The following PLEKHA7 variants were observed in gnomAD, a reference collection of about 807,000 sequenced individuals.
PLEKHA7 encodes the protein pleckstrin homology domain containing A7.
Under a neutral mutation model 170.0 loss-of-function variants are expected in PLEKHA7, and 104 were observed. The observed-to-expected ratio is 0.61, with a 90% confidence interval of 0.52 to 0.72. The LOEUF is 0.72. Ranked by LOEUF, PLEKHA7 falls within the 30% of genes least tolerant of loss-of-function variation. The pLI, the probability that PLEKHA7 is intolerant of heterozygous loss-of-function variation, is 0.00. For synonymous variants in PLEKHA7, 648 were observed against 660.8 expected (o/e 0.98, Z 0.30); for missense variants, 1,615 against 1,671.7 (o/e 0.97, Z 0.59).
At position 16,855,804 on chromosome 11, in the gene PLEKHA7, T is replaced by C. The variant is rs1232381578; in HGVS notation, c.416A>G (p.Lys139Arg). The C allele has an allele frequency of 3.7e-6, 6 of 1,603,056 alleles. No homozygotes were observed. The highest frequency in any genetic ancestry group is 5.1e-6 in the Non-Finnish European group (6 of 1,171,594). Residue 139 changes from lysine to arginine, a missense_variant and splice_region_variant, in exon 5 of 27, where the codon AAG becomes AGG. Physicochemically the swap from Lys to Arg is conservative, Grantham distance 26 (BLOSUM62 2). Transcript: ENST00000531066. ...ASTLEAKPGP[K>R]IIKSSSKVHS... ...AGGAACAAGTGGCCAGGAGCTCACC[T>C]TGGGTCCAGGCTTGGCCTCCAGGGT...
rs1483137703 is a variant in PLEKHA7 at position 16,826,567 on chromosome 11, T to A, written c.896A>T (p.Gln299Leu). ...LKRDMEKVER[Q>L]AVPQANHTES... Reference sequence around the variant, plus strand: ...TGTGTGGTTGGCCTGGGGGACAGCCTGCCGCTCCACCTTCTCCATATCCCT... The same window carrying A: ...TGTGTGGTTGGCCTGGGGGACAGCCAGCCGCTCCACCTTCTCCATATCCCT... The change falls in exon 10 of 27, where the codon CAG (glutamine) becomes CTG (leucine). Residue 299 changes from glutamine (Q) to leucine (L), a missense_variant. Coordinates refer to ENST00000531066, the MANE Select transcript of PLEKHA7 (RefSeq NM_001329630.2). The A allele has an allele frequency of 6.2e-7, 1 of 1,613,714 alleles. No homozygotes were observed. Among genetic ancestry groups the A allele is most frequent in the East Asian group, 2.2e-5 (1 of 44,890 alleles).
chr11:16,940,268 C>G (rs983665267), intron 3 of PLEKHA7, among the ~76,000 whole-genome samples: 7 of 144,430 alleles, frequency 4.8e-5, no homozygotes, highest in South Asian at 2.2e-4. Context: ...TATCTCAGAT[C>G]TTTTCTTCTG....
chr11:16,904,960 A>G (rs1857561380), intron 3 of PLEKHA7, among the ~76,000 whole-genome samples: 1 of 152,226 alleles, frequency 6.6e-6, no homozygotes, highest in African/African-American at 2.4e-5. Flanking sequence ...TTTAAAATAA[A>G]TAAAAGACAG....
At position 16,789,121 on chromosome 11, in the gene PLEKHA7, C is replaced by T. The variant is rs761127089; in HGVS notation, c.3332G>A (p.Arg1111Gln). Residue 1111 changes from arginine (R) to glutamine (Q), a missense_variant, in exon 23 of 27, where the codon CGG becomes CAG. Arg to Gln is a conservative substitution (Grantham distance 43). Transcript: ENST00000531066. This position sits in a 1 kb window ranked among gnomAD's most constrained non-coding sequence, Gnocchi z 4.6. ...TGAGCCAAGATCTCCAGGGAGCGGC[C>T]GGCTGAGGTAGCGAGATGAGGGCAG... is the stretch of plus-strand genomic sequence containing the variant. ...TGLPSSRYLS[R>Q]PLPGDLGSWK... The T allele has an allele frequency of 3.1e-5, 50 of 1,606,358 alleles. No homozygotes were observed. Among genetic ancestry groups the T allele is most frequent in the South Asian group, 8.8e-5 (8 of 91,062 alleles).
intron 3 of PLEKHA7, among the ~76,000 whole-genome samples, chr11:16,936,629 C>T (rs535541012): frequency 6.6e-6 from 1 of 152,266 alleles, no homozygotes; most frequent in South Asian, 2.1e-4. Flanking sequence ...TCTCCAGTGG[C>T]TTTTATGAAA....
intron 3 of PLEKHA7, among the ~76,000 whole-genome samples, chr11:16,982,041 T>A (rs188897198): frequency 6.6e-5 from 10 of 152,316 alleles, no homozygotes; most frequent in African/African-American, 2.4e-4. Context: ...ACACTCCATA[T>A]GCCAGCAGCG....
At chr11:16,807,297 A>T (rs1849054984) in intron 13 of PLEKHA7, 1 of 649,216 alleles carries the variant, frequency 1.5e-6, no homozygotes, top group African/African-American at 2.0e-5. Context: ...AAGCAGCCAG[A>T]ATTTGGGGAA....
intron 3 of PLEKHA7, among the ~76,000 whole-genome samples, chr11:16,915,559 G>A (rs1858590698): frequency 7.7e-6 from 1 of 130,082 alleles, no homozygotes; most frequent in African/African-American, 3.0e-5. Flanking sequence ...TCCCCTTCCT[G>A]TGTCCATGTG....
chr11:16,879,571 G>A (rs988450218), intron 3 of PLEKHA7, among the ~76,000 whole-genome samples: 23 of 152,148 alleles, frequency 1.5e-4, no homozygotes, highest in African/African-American at 5.3e-4. Flanking sequence ...AATGTGGGCA[G>A]CGACATGGAA....
At chr11:16,910,687 G>A (rs1252715883) in intron 3 of PLEKHA7, among the ~76,000 whole-genome samples, 1 of 152,082 alleles carries the variant, frequency 6.6e-6, no homozygotes, top group African/African-American at 2.4e-5. Flanking sequence ...GCATCCAGGG[G>A]GTAAAATCCA....
intron 3 of PLEKHA7, among the ~76,000 whole-genome samples, chr11:16,887,627 C>T (rs1202555137): frequency 6.6e-6 from 1 of 152,194 alleles, no homozygotes; most frequent in Non-Finnish European, 1.5e-5. Context: ...AGCTCCTAAC[C>T]GCGAGTGATC....
chr11:16,963,063 G>A (rs1431605414), intron 3 of PLEKHA7, among the ~76,000 whole-genome samples: 2 of 152,186 alleles, frequency 1.3e-5, no homozygotes, highest in Admixed American at 6.5e-5. Context: ...TGTAGATGAG[G>A]TGGCCTTCCA....
At chr11:16,917,541 A>G (rs1858779362) in intron 3 of PLEKHA7, among the ~76,000 whole-genome samples, 2 of 152,298 alleles carry the variant, frequency 1.3e-5, no homozygotes, top group East Asian at 1.9e-4. Context: ...GGCTGCCCAC[A>G]TTCCTTGGCT....
intron 3 of PLEKHA7, among the ~76,000 whole-genome samples, chr11:16,970,039 C>A (rs1862613909): frequency 6.6e-6 from 1 of 152,214 alleles, no homozygotes. Flanking sequence ...AAGGAAAACA[C>A]ATAGGGCCAC....
Position 16,866,640 on chromosome 11 carries a change from T to C in PLEKHA7, c.305+4459A>G, listed in dbSNP as rs12224543. On this transcript the variant is annotated intron_variant, in intron 4 of 26. Transcript: ENST00000531066. ...GCAGAGTCCATCAGGTGACCTATGA[T>C]GGACATGAAGCAAACATGAGAAATT... Among the ~76,000 whole-genome samples the C allele has an allele frequency of 6.7e-4, 102 of 152,276 alleles. 2 individuals are homozygous for C. In the East Asian group the frequency reaches 0.016, roughly 24 times the overall value.
chr11:16,871,018 G>T, intron 4 of PLEKHA7, 81 bp downstream of exon 4: 1 of 1,083,936 alleles, frequency 9.2e-7, no homozygotes, highest in Non-Finnish European at 1.4e-6. Flanking sequence ...AGAGAAAACA[G>T]TCCAGTAAGT....
chr11:16,800,848 C>A (rs1848546171), intron 17 of PLEKHA7, 126 bp downstream of exon 17: 1 of 783,012 alleles, frequency 1.3e-6, no homozygotes, highest in Admixed American at 2.3e-5. Flanking sequence ...GGTGGAGCAT[C>A]TGGGGCTGAG....
intron 19 of PLEKHA7, among the ~76,000 whole-genome samples, chr11:16,794,168 G>A (rs774355447): frequency 6.6e-5 from 10 of 151,516 alleles, no homozygotes; most frequent in African/African-American, 2.2e-4. Context: ...GGACAGCTTC[G>A]TCCACAGCCA....
chr11:16,796,508 G>A (rs527554321), intron 17 of PLEKHA7, among the ~76,000 whole-genome samples: 77 of 152,302 alleles, frequency 5.1e-4, no homozygotes, highest in Middle Eastern at 6.8e-3. Context: ...GGGCAGAGGG[G>A]ACGCTGGGGG....
Sources: gnomAD v4.1 joint callset for allele counts (sites outside exome capture counted in the v4.1 genomes callset) on GRCh38, gnomAD v4.1.1 for gene constraint, Gnocchi (gnomAD v3.1) non-coding constraint, MANE v1.5 for transcripts, NCBI Gene and HGNC (gene_info 2026-07-23, HGNC 2026-07-21) for gene names.